The following ZFAND3 variants were observed in gnomAD, a reference collection of about 807,000 sequenced individuals.
ZFAND3 encodes the protein zinc finger AN1-type containing 3, also known as AN1-type zinc finger protein 3.
In ZFAND3, 10 loss-of-function variants were observed where a neutral mutation model predicts 29.6. The ratio of observed to expected loss-of-function variants is 0.34; its 90% CI spans 0.21 to 0.57. The LOEUF (loss-of-function observed/expected upper bound fraction) is 0.57, where lower values mean the gene tolerates loss of function less well. ZFAND3 is among the 20% of genes least tolerant of loss of function. The pLI, the probability that ZFAND3 is intolerant of heterozygous loss-of-function variation, is 0.86. For synonymous variants in ZFAND3, 128 were observed against 112.6 expected (o/e 1.14, Z -0.87); for missense variants, 230 against 304.5 (o/e 0.76, Z 1.82).
chr6:37,959,800 A>C (rs1762162143), intron 2 of ZFAND3, among the ~76,000 whole-genome samples: 1 of 152,208 alleles, frequency 6.6e-6, no homozygotes, highest in Non-Finnish European at 1.5e-5. Context: ...AATAGAGGCT[A>C]GTTCCTCAGG....
At chr6:38,117,061 A>C (rs1396841276) in intron 5 of ZFAND3, among the ~76,000 whole-genome samples, 2 of 152,174 alleles carry the variant, frequency 1.3e-5, no homozygotes, top group Non-Finnish European at 2.9e-5. Context: ...TCACGACTTC[A>C]GAAGTTTACC....
intron 1 of ZFAND3, among the ~76,000 whole-genome samples, chr6:37,906,376 T>A (rs1390250284): frequency 3.9e-5 from 6 of 152,218 alleles, no homozygotes; most frequent in Non-Finnish European, 8.8e-5. Context: ...CCATTTTTTT[T>A]AAATGACCGA....
chr6:38,011,019 A>T (rs543555380), intron 2 of ZFAND3, among the ~76,000 whole-genome samples: 1 of 151,530 alleles, frequency 6.6e-6, no homozygotes, highest in East Asian at 1.9e-4. Context: ...GCTGGCACTT[A>T]CAGGTGCATG....
At chr6:37,975,700 A>G (rs950728805) in intron 2 of ZFAND3, among the ~76,000 whole-genome samples, 2 of 152,052 alleles carry the variant, frequency 1.3e-5, no homozygotes, top group Non-Finnish European at 2.9e-5. Flanking sequence ...AGTTGTCCAT[A>G]TATGTGGGGG....
intron 1 of ZFAND3, among the ~76,000 whole-genome samples, chr6:37,890,213 T>A (rs1193346135): frequency 6.6e-6 from 1 of 152,264 alleles, no homozygotes; most frequent in Non-Finnish European, 1.5e-5. Flanking sequence ...TTTATACATG[T>A]ATGTTTATAA....
intron 1 of ZFAND3, among the ~76,000 whole-genome samples, chr6:37,857,352 A>G (rs914000175): frequency 2.0e-5 from 3 of 152,162 alleles, no homozygotes; most frequent in African/African-American, 7.2e-5. Context: ...TGTATTGGGG[A>G]GACAAATGAA....
At chr6:38,152,175 C>G in intron 5 of ZFAND3, 60 bp from the exon 6 acceptor site, 1 of 1,428,354 alleles carries the variant, frequency 7.0e-7, no homozygotes, top group Non-Finnish European at 9.3e-7. Context: ...AATTGTGAGG[C>G]TCTGCGCACT....
intron 1 of ZFAND3, among the ~76,000 whole-genome samples, chr6:37,914,672 C>CTTTTTCTTTTTT (rs1554157841): frequency 6.1e-5 from 7 of 114,208 alleles, no homozygotes; most frequent in African/African-American, 1.1e-4. Flanking sequence ...CTTTTTTTTT[C>CTTTTTCTTTTTT]TTTTTTTTTT....
Position 38,153,216 on chromosome 6 carries a change from G to A in ZFAND3, c.*827G>A, listed in dbSNP as rs371881366. Reference sequence around the variant, plus strand: ...GATGTGGCGAATGGCAGCACAGCGCGGTGGCTGGGTCTGCACACTGGCCTC... The same window carrying A: ...GATGTGGCGAATGGCAGCACAGCGCAGTGGCTGGGTCTGCACACTGGCCTC... On this transcript the variant is annotated 3_prime_UTR_variant, in exon 6 of 6. Coordinates refer to ENST00000287218, the MANE Select transcript of ZFAND3 (RefSeq NM_021943.3). The A allele has an allele frequency of 4.0e-5, 39 of 985,484 alleles. No individual in the cohort carries two copies. The East Asian group carries it at 4.5e-4, about 11-fold the overall frequency. 61.0% of individuals were successfully genotyped at this position (985,484 alleles called of 1,614,324 possible). A position where few individuals can be genotyped will look rare whatever the true frequency, so the allele number is the denominator to read the frequency against.
intron 4 of ZFAND3, among the ~76,000 whole-genome samples, chr6:38,089,967 C>T (rs1468579765): frequency 6.6e-6 from 1 of 152,162 alleles, no homozygotes; most frequent in Non-Finnish European, 1.5e-5. Flanking sequence ...AGTTCTCCTG[C>T]CTCAGCCTCC....
chr6:38,052,820 A>G (rs1214868774), intron 2 of ZFAND3, among the ~76,000 whole-genome samples: 1 of 151,882 alleles, frequency 6.6e-6, no homozygotes, highest in African/African-American at 2.4e-5. Flanking sequence ...AGGCAGGGAG[A>G]TCATTTGAGA....
chr6:37,968,409 C>A (rs1381461786), intron 2 of ZFAND3, among the ~76,000 whole-genome samples: 2 of 151,140 alleles, frequency 1.3e-5, no homozygotes, highest in African/African-American at 4.9e-5. Context: ...GCAGACCCCT[C>A]CTTGGAAGGG....
chr6:38,060,491 T>C (rs538291597), intron 2 of ZFAND3, among the ~76,000 whole-genome samples: 1 of 150,968 alleles, frequency 6.6e-6, no homozygotes, highest in African/African-American at 2.4e-5. Context: ...TCCTGTCCTG[T>C]CCTGTCCTCC....
At chr6:38,068,907 T>G (rs778391088) in intron 3 of ZFAND3, among the ~76,000 whole-genome samples, 6 of 152,204 alleles carry the variant, frequency 3.9e-5, no homozygotes, top group Non-Finnish European at 8.8e-5. Context: ...TTCCATTGTT[T>G]CCTTGGAAAC....
At chr6:38,144,184 A>ATATAT (rs66561715) in intron 5 of ZFAND3, among the ~76,000 whole-genome samples, 6 of 42,552 alleles carry the variant, frequency 1.4e-4, no homozygotes, top group African/African-American at 4.1e-4. Flanking sequence ...ATATATATAT[A>ATATAT]ATATATATAT....
intron 1 of ZFAND3, among the ~76,000 whole-genome samples, chr6:37,926,060 G>A (rs1761478290): frequency 6.6e-6 from 1 of 152,150 alleles, no homozygotes; most frequent in African/African-American, 2.4e-5. Flanking sequence ...GGGAGGAGCA[G>A]TAGCAAAGGT....
intron 1 of ZFAND3, among the ~76,000 whole-genome samples, chr6:37,879,312 G>A (rs1394271393): frequency 6.6e-6 from 1 of 152,038 alleles, no homozygotes; most frequent in Non-Finnish European, 1.5e-5. Flanking sequence ...AATTCCAAAT[G>A]CAGAAGTTTT....
At chr6:38,006,292 G>A (rs1763047238) in intron 2 of ZFAND3, among the ~76,000 whole-genome samples, 1 of 152,254 alleles carries the variant, frequency 6.6e-6, no homozygotes, top group South Asian at 2.1e-4. Context: ...GCTGTTGTAT[G>A]TCTCTGTGTT....
chr6:37,969,512 C>G (rs1054986550), intron 2 of ZFAND3, among the ~76,000 whole-genome samples: 2 of 152,208 alleles, frequency 1.3e-5, no homozygotes, highest in Non-Finnish European at 2.9e-5. Flanking sequence ...CTGAATATCT[C>G]ATATTTTATT....
Sources: gnomAD v4.1 joint callset for allele counts (sites outside exome capture counted in the v4.1 genomes callset) on GRCh38, gnomAD v4.1.1 for gene constraint, MANE v1.5 for transcripts, NCBI Gene and HGNC (gene_info 2026-07-23, HGNC 2026-07-21) for gene names.